The following MECOM variants were observed in gnomAD, a reference collection of about 807,000 sequenced individuals.
MECOM encodes the protein MDS1 and EVI1 complex locus, also known as histone-lysine N-methyltransferase MECOM.
In MECOM, 13 loss-of-function variants were observed where a neutral mutation model predicts 116.3. The observed-to-expected ratio is 0.11, with a 90% CI of 0.07 to 0.18. The LOEUF (loss-of-function observed/expected upper bound fraction) is 0.18. Ranked by LOEUF, MECOM falls within the 10% of genes least tolerant of loss-of-function variation. The pLI, the probability that MECOM is intolerant of heterozygous loss-of-function variation, is 1.00. For synonymous variants in MECOM, 528 were observed against 535.2 expected (o/e 0.99, Z 0.19); for missense variants, 1,299 against 1,509.0 (o/e 0.86, Z 2.31).
At position 169,622,006 on chromosome 3, in the gene MECOM, G is replaced by GATT. The variant is rs142607175; in HGVS notation, c.37+41329_37+41330insAAT. 3.3e-5 allele frequency among the ~76,000 whole-genome samples: 5 copies of GATT among 152,306 alleles called. No homozygotes were observed. The East Asian group carries it at 9.6e-4, about 29-fold the overall frequency. On this transcript the variant is annotated intron_variant, in intron 1 of 16. Coordinates refer to ENST00000651503, the MANE Select transcript of MECOM (RefSeq NM_004991.4). The stretch of plus-strand genomic sequence containing the variant: ...AAAACATTGGCCATCAAGTTTAAAA[G>GATT]ATGATAATCTGTATTTTAAGCACTC...
chr3:169,425,710 G>A (rs1308952326), intron 1 of MECOM, among the ~76,000 whole-genome samples: 1 of 152,098 alleles, frequency 6.6e-6, no homozygotes, highest in Admixed American at 6.6e-5. Flanking sequence ...ACTTTATTTT[G>A]CTGTGTCTGA....
intron 1 of MECOM, among the ~76,000 whole-genome samples, chr3:169,418,776 C>CTG (rs200122273): frequency 0.11 from 17,451 of 152,006 alleles, 1,241 homozygotes; most frequent in East Asian, 0.3. Context: ...TATGACAAAC[C>CTG]CACAGCCAAT....
intron 2 of MECOM, among the ~76,000 whole-genome samples, chr3:169,359,866 G>A (rs893574283): frequency 1.3e-5 from 2 of 151,680 alleles, no homozygotes; most frequent in Non-Finnish European, 2.9e-5. Flanking sequence ...GAGACCTTAG[G>A]CTATAGCAGA....
At chr3:169,369,594 C>A (rs1485355306) in intron 2 of MECOM, among the ~76,000 whole-genome samples, 2 of 151,816 alleles carry the variant, frequency 1.3e-5, no homozygotes, top group African/African-American at 4.8e-5. Flanking sequence ...AAATGATTCT[C>A]CCACCTCAGC....
At chr3:169,163,806 G>A (rs1176710842) in intron 2 of MECOM, among the ~76,000 whole-genome samples, 3 of 152,086 alleles carry the variant, frequency 2.0e-5, no homozygotes, top group Non-Finnish European at 2.9e-5. Flanking sequence ...GTCACTCCGA[G>A]CCAACCACTG....
chr3:169,105,296 T>C (rs1724996598), intron 10 of MECOM, among the ~76,000 whole-genome samples: 1 of 152,206 alleles, frequency 6.6e-6, no homozygotes, highest in African/African-American at 2.4e-5. Flanking sequence ...GTGATCAACA[T>C]CAGCCCTAGT....
chr3:169,581,085 G>A (rs1765070443), intron 1 of MECOM, among the ~76,000 whole-genome samples: 1 of 152,120 alleles, frequency 6.6e-6, no homozygotes, highest in African/African-American at 2.4e-5. Context: ...GACCTCTTTG[G>A]AAATCCCTTA....
intron 7 of MECOM, among the ~76,000 whole-genome samples, chr3:169,120,561 G>A (rs544094930): frequency 2.0e-5 from 3 of 152,298 alleles, no homozygotes; most frequent in African/African-American, 7.2e-5. Context: ...AGATTAAAAA[G>A]CATTTCATCC....
At chr3:169,585,179 T>C (rs888585677) in intron 1 of MECOM, among the ~76,000 whole-genome samples, 4 of 152,226 alleles carry the variant, frequency 2.6e-5, no homozygotes, top group African/African-American at 7.2e-5. Context: ...CTGTCTTAAA[T>C]GGTTTGTGTC....
At chr3:169,143,615 C>T in intron 3 of MECOM, 83 bp downstream of exon 3, 1 of 1,360,834 alleles carries the variant, frequency 7.3e-7, no homozygotes, top group Non-Finnish European at 9.8e-7. Context: ...GGGTCTACTG[C>T]AGCTTACTGT....
chr3:169,254,164 A>C (rs1756579051), intron 2 of MECOM, among the ~76,000 whole-genome samples: 1 of 152,118 alleles, frequency 6.6e-6, no homozygotes, highest in Admixed American at 6.6e-5. Flanking sequence ...TGGCATTAAC[A>C]TCTATAATCA....
rs369687674 is a variant in MECOM, at chr3:169,641,257, A to T, written c.37+22079T>A. Among the ~76,000 whole-genome samples the T allele has an allele frequency of 1.2e-3, 184 of 152,378 alleles. 4 individuals are homozygous for T. The South Asian group carries it at 0.036, about 30-fold the overall frequency. On this transcript the variant is annotated intron_variant, in intron 1 of 16. Coordinates refer to ENST00000651503, the MANE Select transcript of MECOM (RefSeq NM_004991.4). ...GGAATAGACTGGAGGCACAGCAGTG[A>T]GAAGTAGGAAAGCACTTGGAGTTAC... is the stretch of plus-strand genomic sequence containing the variant.
intron 1 of MECOM, among the ~76,000 whole-genome samples, chr3:169,452,664 G>C (rs1343336680): frequency 6.6e-6 from 1 of 152,114 alleles, no homozygotes; most frequent in African/African-American, 2.4e-5. Flanking sequence ...GGCTTCAGAG[G>C]GGCCAGGTTT....
intron 1 of MECOM, among the ~76,000 whole-genome samples, chr3:169,490,847 T>C (rs1370899469): frequency 6.6e-6 from 1 of 152,164 alleles, no homozygotes; most frequent in Admixed American, 6.5e-5. Context: ...ATATAGGTAT[T>C]TTTATGTTCT....
At chr3:169,429,915 G>C (rs1310149036) in intron 1 of MECOM, among the ~76,000 whole-genome samples, 1 of 152,206 alleles carries the variant, frequency 6.6e-6, no homozygotes, top group Non-Finnish European at 1.5e-5. Flanking sequence ...GTGTTGCAGA[G>C]TCCCACTGTC....
chr3:169,305,283 G>T (rs1226234124), intron 2 of MECOM, among the ~76,000 whole-genome samples: 2 of 152,144 alleles, frequency 1.3e-5, no homozygotes, highest in Non-Finnish European at 2.9e-5. Flanking sequence ...AGCTCACTGA[G>T]TGCTTTAATC....
At chr3:169,241,874 C>A (rs965890745) in intron 2 of MECOM, among the ~76,000 whole-genome samples, 1 of 151,892 alleles carries the variant, frequency 6.6e-6, no homozygotes, top group African/African-American at 2.4e-5. Context: ...ATAAGGTTTC[C>A]AAAAAATTGG....
At chr3:169,328,001 A>G (rs547060500) in intron 2 of MECOM, among the ~76,000 whole-genome samples, 1 of 152,350 alleles carries the variant, frequency 6.6e-6, no homozygotes, top group Non-Finnish European at 1.5e-5. Flanking sequence ...CAGCAGGATT[A>G]GACAGAAACA....
chr3:169,165,238 G>A (rs9883052), intron 2 of MECOM, among the ~76,000 whole-genome samples: 17,553 of 152,054 alleles, frequency 0.12, 2,457 homozygotes, highest in African/African-American at 0.34. Context: ...TTTCCAAACC[G>A]TAACTAAGCT....
Sources: gnomAD v4.1 joint callset for allele counts (sites outside exome capture counted in the v4.1 genomes callset) on GRCh38, gnomAD v4.1.1 for gene constraint, MANE v1.5 for transcripts, NCBI Gene and HGNC (gene_info 2026-07-23, HGNC 2026-07-21) for gene names.